SNTG2: variants seen among roughly 807,000 people sequenced by gnomAD.
SNTG2 encodes syntrophin gamma 2.
Under a neutral mutation model 70.9 loss-of-function variants are expected in SNTG2, and 74 were observed. That is an observed-to-expected ratio of 1.04 (90% CI 0.86 to 1.27). The LOEUF (loss-of-function observed/expected upper bound fraction) is 1.27. Ranked by LOEUF, SNTG2 falls within the 50% of genes most tolerant of loss-of-function variation. SNTG2 has a pLI of 0.00. For synonymous variants in SNTG2, 278 were observed against 273.8 expected (o/e 1.02, Z -0.15); for missense variants, 717 against 690.7 (o/e 1.04, Z -0.43).
chr2:1,289,444 T>A (rs1443546042), intron 14 of SNTG2, among the ~76,000 whole-genome samples: 1 of 152,142 alleles, frequency 6.6e-6, no homozygotes, highest in African/African-American at 2.4e-5. Flanking sequence ...TCCTGCCACC[T>A]GCTCTGTGTC....
intron 1 of SNTG2, among the ~76,000 whole-genome samples, chr2:1,011,071 TTTTC>T (rs1371484814): frequency 6.6e-6 from 1 of 152,182 alleles, no homozygotes; most frequent in Non-Finnish European, 1.5e-5. Context: ...CTCTGATAGG[TTTTC>T]TTTTAGTTTA....
At chr2:1,134,123 C>T (rs547311033) in intron 4 of SNTG2, among the ~76,000 whole-genome samples, 4 of 152,220 alleles carry the variant, frequency 2.6e-5, no homozygotes, top group African/African-American at 9.6e-5. Context: ...TCGCTGGCTT[C>T]AGGAGTGAAG....
At chr2:1,291,867 G>C (rs1337403835) in intron 14 of SNTG2, among the ~76,000 whole-genome samples, 1 of 152,108 alleles carries the variant, frequency 6.6e-6, no homozygotes, top group Non-Finnish European at 1.5e-5. Flanking sequence ...TCTATTTCTG[G>C]AAAAAGGTCT....
chr2:1,259,855 G>A (rs531908967), intron 13 of SNTG2, among the ~76,000 whole-genome samples: 1 of 152,316 alleles, frequency 6.6e-6, no homozygotes, highest in East Asian at 1.9e-4. Flanking sequence ...ATGGTTCCTA[G>A]GGTAGGTAAG....
At chr2:1,138,761 G>A (rs553992235) in intron 6 of SNTG2, among the ~76,000 whole-genome samples, 59 of 152,244 alleles carry the variant, frequency 3.9e-4, no homozygotes, top group Admixed American at 3.9e-4. Flanking sequence ...CTTGTCCCAC[G>A]AAGATTAATA....
intron 8 of SNTG2, among the ~76,000 whole-genome samples, chr2:1,192,070 A>G (rs904147458): frequency 1.3e-5 from 2 of 152,186 alleles, no homozygotes; most frequent in Admixed American, 1.3e-4. Context: ...TTAGATAAAA[A>G]TGAAGTAGTT....
At chr2:1,184,546 G>A (rs1015841186) in intron 8 of SNTG2, among the ~76,000 whole-genome samples, 5 of 152,080 alleles carry the variant, frequency 3.3e-5, no homozygotes, top group African/African-American at 1.2e-4. Context: ...TGGCTGGGGA[G>A]GCCTCAGGAA....
chr2:1,311,096 C>T (rs910740736), intron 15 of SNTG2, among the ~76,000 whole-genome samples: 10 of 152,200 alleles, frequency 6.6e-5, no homozygotes, highest in Middle Eastern at 3.2e-3. Flanking sequence ...GCCCTCTACC[C>T]GCTCTCTCTG....
intron 1 of SNTG2, among the ~76,000 whole-genome samples, chr2:1,037,084 C>G (rs747648690): frequency 6.6e-6 from 1 of 152,228 alleles, no homozygotes; most frequent in Non-Finnish European, 1.5e-5. Flanking sequence ...AGAAACCCAC[C>G]AAGTCTGAGT....
intron 1 of SNTG2, among the ~76,000 whole-genome samples, chr2:966,675 G>A (rs79908153): frequency 0.34 from 52,182 of 152,088 alleles, 9,704 homozygotes; most frequent in Middle Eastern, 0.47. Context: ...GGCCGGGCGC[G>A]GTGGCTCACG....
chr2:1,281,005 G>A (rs994134313), intron 14 of SNTG2, among the ~76,000 whole-genome samples: 16 of 152,168 alleles, frequency 1.1e-4, no homozygotes, highest in East Asian at 3.8e-4. Context: ...ATCTAACATC[G>A]GTGCCCACTT....
At chr2:1,025,748 G>A (rs771414677) in intron 1 of SNTG2, among the ~76,000 whole-genome samples, 1 of 152,150 alleles carries the variant, frequency 6.6e-6, no homozygotes, top group Non-Finnish European at 1.5e-5. Context: ...TGGGTCATCC[G>A]GGATGACCCC....
intron 6 of SNTG2, among the ~76,000 whole-genome samples, chr2:1,140,626 G>C (rs932931021): frequency 6.6e-6 from 1 of 152,272 alleles, no homozygotes; most frequent in Non-Finnish European, 1.5e-5. Flanking sequence ...CAGCCTGGCA[G>C]GGCCACAGCG....
intron 8 of SNTG2, among the ~76,000 whole-genome samples, chr2:1,188,802 G>A (rs568642882): frequency 2.6e-5 from 4 of 152,122 alleles, no homozygotes; most frequent in Non-Finnish European, 5.9e-5. Context: ...GGTTTGAACT[G>A]TAATATTAAC....
intron 4 of SNTG2, among the ~76,000 whole-genome samples, chr2:1,130,171 C>T (rs941474337): frequency 1.3e-5 from 2 of 152,182 alleles, no homozygotes; most frequent in African/African-American, 2.4e-5. Flanking sequence ...TCCTTTACTG[C>T]TTCTCCTGAG....
chr2:1,259,377 C>T lies in SNTG2; in HGVS notation c.1013C>T (p.Thr338Ile). The T allele has an allele frequency of 6.2e-7, 1 of 1,613,966 alleles. No individual in the cohort carries two copies. Among genetic ancestry groups the T allele is most frequent in the Non-Finnish European group, 8.5e-7 (1 of 1,179,862 alleles). The change falls in exon 13 of 17, where the codon ACA becomes ATA. Residue 338 changes from threonine to isoleucine, a missense_variant. Coordinates refer to ENST00000308624, the MANE Select transcript of SNTG2 (RefSeq NM_018968.4). ...FYVFSTPPVS[T>I]FDWVRAERTY... ...GTTCTCTGTTTCTTGCAGGTGAGCA[C>T]ATTCGATTGGGTGCGAGCAGAAAGG... is the stretch of plus-strand genomic sequence containing the variant.
At chr2:1,180,536 T>C (rs1237017115) in intron 8 of SNTG2, among the ~76,000 whole-genome samples, 1 of 137,216 alleles carries the variant, frequency 7.3e-6, no homozygotes, top group Non-Finnish European at 1.6e-5. Context: ...TCACACCAGT[T>C]AGAATGGCAA....
intron 9 of SNTG2, among the ~76,000 whole-genome samples, chr2:1,235,553 AC>A (rs1676583968): frequency 1.5e-5 from 1 of 64,812 alleles, no homozygotes; most frequent in East Asian, 4.9e-4. Flanking sequence ...TGCAGGCCCC[AC>A]CAGGCACCCC....
intron 1 of SNTG2, among the ~76,000 whole-genome samples, chr2:1,043,887 G>A (rs1335354411): frequency 2.0e-5 from 3 of 152,216 alleles, no homozygotes; most frequent in Admixed American, 6.5e-5. Context: ...AATTGATTTG[G>A]CTATTTAGGC....
Sources: gnomAD v4.1 joint callset for allele counts (sites outside exome capture counted in the v4.1 genomes callset) on GRCh38, gnomAD v4.1.1 for gene constraint, MANE v1.5 for transcripts, NCBI Gene and HGNC (gene_info 2026-07-23, HGNC 2026-07-21) for gene names.